Variants in APC2 observed in about 807,000 individuals in gnomAD.
APC2 encodes the protein adenomatous polyposis coli protein 2.
Under a neutral mutation model 72.5 loss-of-function variants are expected in APC2, and 41 were observed. The ratio of observed to expected loss-of-function variants is 0.57; its 90% CI spans 0.44 to 0.73. The LOEUF (loss-of-function observed/expected upper bound fraction) is 0.73. APC2 is among the 30% of genes least tolerant of loss of function. The probability of loss-of-function intolerance (pLI) is 0.00; values close to 1 mark genes in which losing one functional copy is unlikely to be tolerated. For missense variants in APC2, 3,729 were observed against 3,403.4 expected (o/e 1.10, Z -2.38); for synonymous variants, 1,898 against 1,612.0 (o/e 1.18, Z -4.25).
Position 1,470,327 on chromosome 19 carries a change from C to T in APC2, c.*114C>T, listed in dbSNP as rs1009577447. 32 of 1,344,726 alleles carry T rather than the reference C, an allele frequency of 2.4e-5. No homozygotes were observed. In the African/African-American group the frequency reaches 2.9e-4, roughly 12 times the overall value. The allele number at this position is 1,344,726 out of a possible 1,614,324, so 83.3% of individuals were successfully genotyped here. ...TAGGTCGCCCCAGGGCCTCTGCCCACCCGAGCCCCACCACTCTCAGAACCC... is the reference window on the plus strand; with the variant it reads ...TAGGTCGCCCCAGGGCCTCTGCCCATCCGAGCCCCACCACTCTCAGAACCC... On this transcript the variant is annotated 3_prime_UTR_variant, in exon 15 of 15. Coordinates refer to ENST00000590469, the MANE Select transcript of APC2 (RefSeq NM_005883.3).
In APC2 at chr19:1,472,260, A is replaced by T. The variant is rs966076550; in HGVS notation, c.*2047A>T. On this transcript the variant is annotated 3_prime_UTR_variant, in exon 15 of 15. Coordinates refer to ENST00000590469, the MANE Select transcript of APC2 (RefSeq NM_005883.3). Reference sequence around the variant, plus strand: ...ATGCCAAACACGTGCTCACCCTCACACTCGCCCCGGCCCGCTGCGCCCCTA... The same window carrying T: ...ATGCCAAACACGTGCTCACCCTCACTCTCGCCCCGGCCCGCTGCGCCCCTA... 1 of 152,024 alleles carries T rather than the reference A, an allele frequency of 6.6e-6. No individual in the cohort carries two copies. Among genetic ancestry groups the T allele is most frequent in the Non-Finnish European group, 1.5e-5 (1 of 68,104 alleles). The allele number at this position is 152,024 out of a possible 1,614,324, so 9.4% of individuals were successfully genotyped here. A position where few individuals can be genotyped will look rare whatever the true frequency, so the allele number is the denominator to read the frequency against.
At chr19:1,446,279 C>A, upstream of APC2, 6 of 981,908 alleles carry the variant, frequency 6.1e-6, no homozygotes, top group Non-Finnish European at 7.2e-6. The surrounding 1 kb of genome is among the most constrained non-coding windows in gnomAD (Gnocchi z 6.1). Context: ...CCGGGGCGGC[C>A]GCGGCTCCAT....
At position 1,470,319 on chromosome 19, in the gene APC2, T is replaced by C; in HGVS notation, c.*106T>C. ...GTCCCCCATAGGTCGCCCCAGGGCC[T>C]CTGCCCACCCGAGCCCCACCACTCT... is the stretch of plus-strand genomic sequence containing the variant. On this transcript the variant is annotated 3_prime_UTR_variant, in exon 15 of 15. Coordinates refer to ENST00000590469, the MANE Select transcript of APC2 (RefSeq NM_005883.3). 1.5e-6 allele frequency: 2 copies of C among 1,370,026 alleles called. No homozygotes were observed. Among genetic ancestry groups the C allele is most frequent in the Non-Finnish European group, 1.9e-6 (2 of 1,053,420 alleles). The allele number at this position is 1,370,026 out of a possible 1,614,324, so 84.9% of individuals were successfully genotyped here.
intron 2 of APC2, 29 bp downstream of exon 2, chr19:1,453,171 A>AG: frequency 6.3e-7 from 1 of 1,584,090 alleles, no homozygotes; most frequent in Non-Finnish European, 8.6e-7. Flanking sequence ...GAGGTGGGCT[A>AG]GGGTCCCGGG....
chr19:1,461,092 A>T lies in APC2; in HGVS notation c.1577A>T (p.Lys526Met), dbSNP rs1406703278. Residue 526 changes from lysine (K) to methionine (M), a missense_variant, in exon 13 of 15, where the codon AAG becomes ATG. Transcript: ENST00000590469. ...LSWRADINSKKVLREAGSVTA... is the reference protein window; with the variant it reads ...LSWRADINSKMVLREAGSVTA... The stretch of plus-strand genomic sequence containing the variant: ...TGGAGGGCCGACATCAACAGCAAGA[A>T]GGTGCTGAGGGAGGCGGGCAGCGTG... The T allele has an allele frequency of 6.2e-7, 1 of 1,613,680 alleles. No homozygotes were observed. Among genetic ancestry groups the T allele is most frequent in the South Asian group, 1.1e-5 (1 of 91,088 alleles).
At position 1,465,383 on chromosome 19, in the gene APC2, G is replaced by T. The variant is rs760394033; in HGVS notation, c.2082G>T (p.Leu694=). 1.3e-6 allele frequency: 2 copies of T among 1,576,580 alleles called. No individual in the cohort carries two copies. The highest frequency in any genetic ancestry group is 2.3e-5 in the South Asian group (2 of 88,324). ...AMGSAAALRN[L]LAHRPAKHQA... ...GCAGCGCCGCCGCCCTGCGCAACCT[G>T]CTGGCCCATCGGCCCGCCAAGCACC... is the stretch of plus-strand genomic sequence containing the variant. Residue 694 remains leucine (L), a synonymous_variant, in exon 15 of 15, where the codon CTG becomes CTT. Transcript: ENST00000590469.
At chr19:1,448,623 A>G (rs2083708434), upstream of APC2, among the ~76,000 whole-genome samples, 1 of 151,508 alleles carries the variant, frequency 6.6e-6, no homozygotes, top group South Asian at 2.1e-4. Flanking sequence ...AGGCGGGTGG[A>G]TCACGAGGTC....
rs763831600 is a variant in APC2, at chr19:1,468,919, C to T, written c.5618C>T (p.Ser1873Phe). 2.2e-5 allele frequency: 33 copies of T among 1,533,754 alleles called. No individual in the cohort carries two copies. In the Admixed American group the frequency reaches 5.9e-4, roughly 28 times the overall value. ...CCCGCCCGCCTCGCCAAGACCCCCT[C>T]CTCCAGCTCCTCCCAGACCTCGCCC... Reference protein sequence around the residue: ...TPPARLAKTPSSSSSQTSPAS... With the variant: ...TPPARLAKTPFSSSSQTSPAS... The change falls in exon 15 of 15, where the codon TCC (serine) becomes TTC (phenylalanine). Residue 1873 changes from serine to phenylalanine, a missense_variant. Physicochemically the swap from Ser to Phe is radical, Grantham distance 155. Coordinates refer to ENST00000590469, the MANE Select transcript of APC2 (RefSeq NM_005883.3).
At chr19:1,455,711 C>A (rs1599135780) in intron 6 of APC2, among the ~76,000 whole-genome samples, 1 of 150,346 alleles carries the variant, frequency 6.7e-6, no homozygotes, top group Non-Finnish European at 1.5e-5. Flanking sequence ...AGCACAAGGG[C>A]GGTGGGGTGC....
chr19:1,469,334 G>A lies in APC2; in HGVS notation c.6033G>A (p.Leu2011=). The change falls in exon 15 of 15, where the codon CTG becomes CTA. Residue 2011 remains leucine, a synonymous_variant. Coordinates refer to ENST00000590469, the MANE Select transcript of APC2 (RefSeq NM_005883.3). ...GCTTGCGGCGCCGCCGCTCCGAGCT[G>A]TCCTCGGCCGAGTCCGCGGCCTCTG... The part of the protein sequence containing the change: ...SPGLRRRRSE[L]SSAESAASAP... 7.3e-7 allele frequency: 1 copy of A among 1,371,048 alleles called. No homozygotes were observed. The highest frequency in any genetic ancestry group is 9.5e-7 in the Non-Finnish European group (1 of 1,055,536). The allele number at this position is 1,371,048 out of a possible 1,614,324, so 84.9% of individuals were successfully genotyped here.
At position 1,470,277 on chromosome 19, in the gene APC2, G is replaced by A; in HGVS notation, c.*64G>A. On this transcript the variant is annotated 3_prime_UTR_variant, in exon 15 of 15. Coordinates refer to ENST00000590469, the MANE Select transcript of APC2 (RefSeq NM_005883.3). The stretch of plus-strand genomic sequence containing the variant: ...CTGCGGCGCGGTCTGGCTGCCCCAT[G>A]GGCCTGCGCTGTAGACGTCCCCCAT... 6.7e-7 allele frequency: 1 copy of A among 1,481,724 alleles called. No homozygotes were observed. 91.8% of individuals were successfully genotyped at this position (1,481,724 alleles called of 1,614,324 possible).
chr19:1,460,227 G>A lies in APC2; in HGVS notation c.1350G>A (p.Met450Ile), dbSNP rs144485320. ...AGCTGCTGCAGGTTGACTATGAGAT[G>A]CACAAGATGACCCGGGACCCGCTGA... ...VAELLQVDYE[M>I]HKMTRDPLNL... Residue 450 changes from methionine (M) to isoleucine (I), a missense_variant, in exon 11 of 15, where the codon ATG becomes ATA. Met to Ile is a conservative substitution (Grantham distance 10). Transcript: ENST00000590469. 6 of 1,613,454 alleles carry A rather than the reference G, an allele frequency of 3.7e-6. No individual in the cohort carries two copies. The Admixed American group carries it at 8.3e-5, about 22-fold the overall frequency.
Position 1,468,269 on chromosome 19 carries a change from G to A in APC2, c.4968G>A (p.Arg1656=). 2.0e-6 allele frequency: 3 copies of A among 1,530,302 alleles called. No individual in the cohort carries two copies. The highest frequency in any genetic ancestry group is 2.6e-6 in the Non-Finnish European group (3 of 1,140,712). The allele number at this position is 1,530,302 out of a possible 1,614,324, so 94.8% of individuals were successfully genotyped here. A position where few individuals can be genotyped will look rare whatever the true frequency, so the allele number is the denominator to read the frequency against. ...GLRRRKPRAT[R]LDERPAEGSR... is the part of the protein sequence containing the mutation. Reference sequence around the variant, plus strand: ...GGCGCCGCAAGCCCCGAGCCACCCGGCTGGATGAGCGGCCCGCAGAGGGGT... The same window carrying A: ...GGCGCCGCAAGCCCCGAGCCACCCGACTGGATGAGCGGCCCGCAGAGGGGT... The change falls in exon 15 of 15, where the codon CGG becomes CGA. Residue 1656 remains arginine, a synonymous_variant. Transcript: ENST00000590469.
Position 1,466,861 on chromosome 19 carries a change from G to C in APC2, c.3560G>C (p.Gly1187Ala). The C allele has an allele frequency of 2.6e-6, 4 of 1,562,274 alleles. No individual in the cohort carries two copies. Among genetic ancestry groups the C allele is most frequent in the Non-Finnish European group, 3.5e-6 (4 of 1,154,634 alleles). Reference sequence around the variant, plus strand: ...TCCATCCCCAGTGAACCTTGCAGCGGGCAGGGCAGCGGCACCATCAGCCCT... The same window carrying C: ...TCCATCCCCAGTGAACCTTGCAGCGCGCAGGGCAGCGGCACCATCAGCCCT... ...ASSIPSEPCS[G>A]QGSGTISPSE... The change falls in exon 15 of 15, where the codon GGG becomes GCG. Residue 1187 changes from glycine (G) to alanine (A), a missense_variant. Gly to Ala is a moderately conservative substitution (Grantham distance 60). Coordinates refer to ENST00000590469, the MANE Select transcript of APC2 (RefSeq NM_005883.3).
Position 1,468,993 on chromosome 19 carries a change from G to T in APC2, c.5692G>T (p.Gly1898Trp). Reference sequence around the variant, plus strand: ...GCGCCCCCCGGTCACCCAGGCTGCTGGGGCCCTGCCCGGCCCCGGAGCCTC... The same window carrying T: ...GCGCCCCCCGGTCACCCAGGCTGCTTGGGCCCTGCCCGGCCCCGGAGCCTC... The part of the protein sequence containing the change: ...RKRPPVTQAA[G>W]ALPGPGASPV... The change falls in exon 15 of 15, where the codon GGG becomes TGG. Residue 1898 changes from glycine to tryptophan, a missense_variant. Physicochemically the swap from Gly to Trp is radical, Grantham distance 184 (BLOSUM62 -2). Transcript: ENST00000590469. 6.4e-7 allele frequency: 1 copy of T among 1,559,698 alleles called. No individual in the cohort carries two copies. Among genetic ancestry groups the T allele is most frequent in the African/African-American group, 1.4e-5 (1 of 71,394 alleles).
rs756345568 is a variant in APC2, at chr19:1,468,147, C to A, written c.4846C>A (p.Arg1616Ser). ...VTKDPGPGGG[R>S]DSSPSPRAAE... is the part of the protein sequence containing the mutation. ...CAAGGACCCGGGCCCAGGAGGCGGA[C>A]GCGACAGCTCGCCCAGCCCGCGGGC... The change falls in exon 15 of 15, where the codon CGC becomes AGC. Residue 1616 changes from arginine (R) to serine (S), a missense_variant. Physicochemically the swap from Arg to Ser is moderately radical, Grantham distance 110 (BLOSUM62 -1). Coordinates refer to ENST00000590469, the MANE Select transcript of APC2 (RefSeq NM_005883.3). 4 of 1,477,132 alleles carry A rather than the reference C, an allele frequency of 2.7e-6. No homozygotes were observed. Among genetic ancestry groups the A allele is most frequent in the African/African-American group, 1.5e-5 (1 of 67,846 alleles). The allele number at this position is 1,477,132 out of a possible 1,614,324, so 91.5% of individuals were successfully genotyped here.
In APC2 at chr19:1,466,343, G is replaced by T; in HGVS notation, c.3042G>T (p.Glu1014Asp). 6.4e-7 allele frequency: 1 copy of T among 1,558,636 alleles called. No homozygotes were observed. The highest frequency in any genetic ancestry group is 8.7e-7 in the Non-Finnish European group (1 of 1,155,410). Residue 1014 changes from glutamate to aspartate, a missense_variant, in exon 15 of 15, where the codon GAG (glutamate) becomes GAT (aspartate). Glu to Asp is a conservative substitution (Grantham distance 45). Coordinates refer to ENST00000590469, the MANE Select transcript of APC2 (RefSeq NM_005883.3). ...AGGGTGCCTCAAGGGCGGGTGCAGA[G>T]CCCCTCGCGGGGCCTGGAATCTCTC... is the stretch of plus-strand genomic sequence containing the variant. ...LLEGASRAGA[E>D]PLAGPGISPG...
chr19:1,467,451 C>G lies in APC2; in HGVS notation c.4150C>G (p.Gln1384Glu). The change falls in exon 15 of 15, where the codon CAG becomes GAG. Residue 1384 changes from glutamine (Q) to glutamate (E), a missense_variant. By Grantham distance (29) the Gln-to-Glu change is conservative. Transcript: ENST00000590469. ...YMLVPAPAPAQEDDSCTDSAE... is the reference protein window; with the variant it reads ...YMLVPAPAPAEEDDSCTDSAE... The stretch of plus-strand genomic sequence containing the variant: ...GTTGGTGCCCGCCCCGGCCCCGGCC[C>G]AGGAGGACGACTCCTGCACTGACTC... 1 of 1,474,682 alleles carries G rather than the reference C, an allele frequency of 6.8e-7. No homozygotes were observed. Among genetic ancestry groups the G allele is most frequent in the Non-Finnish European group, 9.0e-7 (1 of 1,116,880 alleles). The allele number at this position is 1,474,682 out of a possible 1,614,324, so 91.3% of individuals were successfully genotyped here.
chr19:1,459,936 C>T (rs1568172466), intron 10 of APC2, among the ~76,000 whole-genome samples: 1 of 152,194 alleles, frequency 6.6e-6, no homozygotes, highest in Non-Finnish European at 1.5e-5. Flanking sequence ...GAAGCGTGAG[C>T]CAGGACCGAG....
Sources: gnomAD v4.1 joint callset for allele counts (sites outside exome capture counted in the v4.1 genomes callset) on GRCh38, gnomAD v4.1.1 for gene constraint, Gnocchi (gnomAD v3.1) non-coding constraint, MANE v1.5 for transcripts, NCBI Gene and HGNC (gene_info 2026-07-23, HGNC 2026-07-21) for gene names.